Variants in SLC26A5 observed in about 807,000 individuals in gnomAD.
SLC26A5 encodes solute carrier family 26 member 5, also known as prestin.
Under a neutral mutation model 81.0 loss-of-function variants are expected in SLC26A5, and 51 were observed. The observed-to-expected ratio is 0.63, with a 90% CI of 0.50 to 0.80. SLC26A5 has a LOEUF of 0.80. SLC26A5 is among the 30% of genes least tolerant of loss of function. The pLI is 0.00. For synonymous variants in SLC26A5, 325 were observed against 332.8 expected, an observed-to-expected ratio of 0.98 and a Z score of 0.25; for missense variants, 771 against 905.8, an observed-to-expected ratio of 0.85 and a Z score of 1.91.
chr7:103,416,511 C>T (rs1469018643), intron 4 of SLC26A5, among the ~76,000 whole-genome samples: 1 of 152,216 alleles, frequency 6.6e-6, no homozygotes, highest in Non-Finnish European at 1.5e-5. Context: ...TCCACTGCAT[C>T]GTGTAAATGT....
chr7:103,401,767 G>A (rs146467054), intron 8 of SLC26A5, among the ~76,000 whole-genome samples: 2 of 152,134 alleles, frequency 1.3e-5, no homozygotes, highest in Non-Finnish European at 1.5e-5. Context: ...TAGCTTGAAG[G>A]GCTGTTGAAT....
intron 19 of SLC26A5, chr7:103,366,297 C>A: frequency 1.4e-6 from 1 of 733,198 alleles, no homozygotes; most frequent in Admixed American, 2.4e-5. Flanking sequence ...AGTGGCGCCA[C>A]AGATCTAATA....
chr7:103,367,018 T>C lies in SLC26A5; in HGVS notation c.2041+9790A>G, dbSNP rs1820753777. Among the ~76,000 whole-genome samples, 2 of 152,184 alleles carry C rather than the reference T, an allele frequency of 1.3e-5. No individual in the cohort carries two copies. The highest frequency in any genetic ancestry group is 1.3e-4 in the Admixed American group (2 of 15,282). On this transcript the variant is annotated intron_variant, in intron 19 of 19. Coordinates refer to the SLC26A5 transcript ENST00000339444. The surrounding 1 kb of genome is among the most constrained non-coding windows in gnomAD (Gnocchi z 6.1). ...CGTGGTTTCACCATGTTGGCCAGGC[T>C]GGTCTCGAACTCCTGAGGACAAGTT...
chr7:103,385,978 AGTGTAG>A (rs1411440845), intron 14 of SLC26A5, among the ~76,000 whole-genome samples: 2 of 149,702 alleles, frequency 1.3e-5, no homozygotes, highest in Admixed American at 6.6e-5. Context: ...CCCAGGCTGG[AGTGTAG>A]TGGTGTGATC....
intron 8 of SLC26A5, among the ~76,000 whole-genome samples, chr7:103,403,929 T>A (rs796280356): frequency 3.5e-4 from 54 of 152,302 alleles, no homozygotes; most frequent in African/African-American, 1.2e-3. Flanking sequence ...ACGCCTGTAA[T>A]CCCAGCACTT....
chr7:103,369,063 C>T (rs1317696545), intron 19 of SLC26A5: 1 of 152,000 alleles, frequency 6.6e-6, no homozygotes, highest in African/African-American at 2.4e-5. Flanking sequence ...AAATAAGTTG[C>T]AAAATAAGAG....
intron 19 of SLC26A5, among the ~76,000 whole-genome samples, chr7:103,359,480 A>G (rs1431662470): frequency 6.6e-6 from 1 of 152,148 alleles, no homozygotes; most frequent in African/African-American, 2.4e-5. Flanking sequence ...AATACCCATT[A>G]GCAGTCTTCA....
At chr7:103,419,718 T>G (rs1211801274) in intron 4 of SLC26A5, among the ~76,000 whole-genome samples, 2 of 151,960 alleles carry the variant, frequency 1.3e-5, no homozygotes, top group Non-Finnish European at 2.9e-5. Context: ...TTATATTTTT[T>G]GTAGATATGG....
At chr7:103,356,307 G>A (rs1820029128) in intron 19 of SLC26A5, among the ~76,000 whole-genome samples, 1 of 152,134 alleles carries the variant, frequency 6.6e-6, no homozygotes, top group Non-Finnish European at 1.5e-5. Flanking sequence ...TATACACAGT[G>A]CTGTAGTGAA....
At chr7:103,393,117 A>G (rs763828724) in intron 9 of SLC26A5, 51 bp from the exon 10 acceptor site, 1 of 1,610,860 alleles carries the variant, frequency 6.2e-7, no homozygotes, top group East Asian at 2.2e-5. Context: ...AGGGAAAAGA[A>G]AAAAAACCTT....
intron 14 of SLC26A5, among the ~76,000 whole-genome samples, chr7:103,384,989 T>C (rs1440498803): frequency 6.6e-6 from 1 of 152,194 alleles, no homozygotes; most frequent in Non-Finnish European, 1.5e-5. Context: ...CCTGGAAATA[T>C]AATAGGCCCT....
chr7:103,353,341 C>G (rs990733210), intron 19 of SLC26A5, among the ~76,000 whole-genome samples: 3 of 152,094 alleles, frequency 2.0e-5, no homozygotes, highest in Admixed American at 1.3e-4. Flanking sequence ...GAGTCTCTCT[C>G]GGTCACCCAG....
At chr7:103,422,763 C>A (rs1328811641) in intron 2 of SLC26A5, among the ~76,000 whole-genome samples, 1 of 152,082 alleles carries the variant, frequency 6.6e-6, no homozygotes, top group South Asian at 2.1e-4. Flanking sequence ...GAACTATATA[C>A]CTCATAATAA....
chr7:103,381,006 C>T (rs946282881), intron 14 of SLC26A5, among the ~76,000 whole-genome samples: 1 of 151,564 alleles, frequency 6.6e-6, no homozygotes, highest in African/African-American at 2.4e-5. Context: ...CCCCCACACA[C>T]ATGCATACAC....
chr7:103,397,536 A>G (rs1321582335), intron 9 of SLC26A5, among the ~76,000 whole-genome samples: 5 of 68,912 alleles, frequency 7.3e-5, no homozygotes, highest in African/African-American at 2.4e-4. Context: ...GCAAGACTCC[A>G]TCTCAAAAAA....
chr7:103,445,494 C>A, intron 1 of SLC26A5: 1 of 152,240 alleles, frequency 6.6e-6, no homozygotes, highest in Non-Finnish European at 1.5e-5. Context: ...GGGGCCAATA[C>A]CAAATTTTAG....
chr7:103,415,709 CT>C (rs891343884), intron 4 of SLC26A5, among the ~76,000 whole-genome samples: 2 of 152,188 alleles, frequency 1.3e-5, no homozygotes, highest in Non-Finnish European at 2.9e-5. Context: ...CATTATGTGA[CT>C]TTTTTTCTTT....
chr7:103,391,837 T>A, intron 10 of SLC26A5, 102 bp from the exon 11 acceptor site: 1 of 869,530 alleles, frequency 1.2e-6, no homozygotes, highest in Non-Finnish European at 1.9e-6. Context: ...ACAGCCTATC[T>A]CTTCATTTTC....
chr7:103,423,986 T>G (rs945525768), intron 2 of SLC26A5, among the ~76,000 whole-genome samples: 5 of 152,192 alleles, frequency 3.3e-5, no homozygotes, highest in Admixed American at 6.5e-5. Flanking sequence ...GGCTGATGTA[T>G]GAGTGGAGTT....
Sources: gnomAD v4.1 joint callset for allele counts (sites outside exome capture counted in the v4.1 genomes callset) on GRCh38, gnomAD v4.1.1 for gene constraint, Gnocchi (gnomAD v3.1) non-coding constraint, MANE v1.5 for transcripts, NCBI Gene and HGNC (gene_info 2026-07-23, HGNC 2026-07-21) for gene names.